SEC24A: variants seen among roughly 807,000 people sequenced by gnomAD.
SEC24A encodes protein transport protein Sec24A.
SEC24A carries 93 observed loss-of-function variants against 129.4 expected under a neutral mutation model. That is an observed-to-expected ratio of 0.72 (90% confidence interval 0.61 to 0.85). The LOEUF is 0.85. SEC24A is among the 40% of genes least tolerant of loss of function. The probability of loss-of-function intolerance (pLI) is 0.00; values close to 1 mark genes in which losing one functional copy is unlikely to be tolerated. For missense variants in SEC24A, 1,264 were observed against 1,307.4 expected, an observed-to-expected ratio of 0.97 and a Z score of 0.51; for synonymous variants, 460 against 467.3, an observed-to-expected ratio of 0.98 and a Z score of 0.20.
intron 2 of SEC24A, among the ~76,000 whole-genome samples, chr5:134,664,541 T>G (rs576061775): frequency 6.6e-6 from 1 of 152,172 alleles, no homozygotes; most frequent in South Asian, 2.1e-4. Flanking sequence ...AAGTTTACTT[T>G]TATTCGTTAA....
chr5:134,692,828 G>C, intron 12 of SEC24A, 171 bp downstream of exon 12: 1 of 703,216 alleles, frequency 1.4e-6, no homozygotes, highest in Non-Finnish European at 2.5e-6. Flanking sequence ...ACCTTGAGCT[G>C]ATCATTTTTA....
intron 20 of SEC24A, among the ~76,000 whole-genome samples, chr5:134,720,257 C>G (rs145748737): frequency 3.2e-4 from 48 of 152,280 alleles, no homozygotes; most frequent in African/African-American, 1.1e-3. Context: ...CTATACCTTT[C>G]CTATGTTTAG....
chr5:134,694,724 C>G (rs1751765474), intron 13 of SEC24A, among the ~76,000 whole-genome samples: 1 of 149,718 alleles, frequency 6.7e-6, no homozygotes. Context: ...GAGGCTGAGG[C>G]AGGAGAATTG....
rs764612238 is a variant in SEC24A at position 134,648,953 on chromosome 5, C to G, written c.-124C>G. 62 of 645,414 alleles carry G rather than the reference C, an allele frequency of 9.6e-5. No individual in the cohort carries two copies. The highest frequency in any genetic ancestry group is 1.4e-4 in the Non-Finnish European group (53 of 374,398). 40.0% of individuals were successfully genotyped at this position (645,414 alleles called of 1,614,324 possible). A position where few individuals can be genotyped will look rare whatever the true frequency, so the allele number is the denominator to read the frequency against. ...CATGCCTCGGGCTTAATGCGCCCCC[C>G]CCTCTTCTCCCAGTCTTCAGTCTTA... is the stretch of plus-strand genomic sequence containing the variant. On this transcript the variant is annotated 5_prime_UTR_variant, in exon 1 of 23. Coordinates refer to ENST00000398844, the MANE Select transcript of SEC24A (RefSeq NM_021982.3).
At chr5:134,721,802 G>A (rs992725486) in intron 21 of SEC24A, among the ~76,000 whole-genome samples, 1 of 152,120 alleles carries the variant, frequency 6.6e-6, no homozygotes, top group South Asian at 2.1e-4. Context: ...GACCTGGGAG[G>A]TTGAGGCTGA....
At chr5:134,720,529 C>T (rs1752600194) in intron 20 of SEC24A, among the ~76,000 whole-genome samples, 1 of 152,166 alleles carries the variant, frequency 6.6e-6, no homozygotes, top group South Asian at 2.1e-4. Context: ...TAAAATGTCT[C>T]ATCAGGTAAA....
chr5:134,660,747 G>A (rs1409494421), intron 1 of SEC24A, among the ~76,000 whole-genome samples: 1 of 151,844 alleles, frequency 6.6e-6, no homozygotes, highest in African/African-American at 2.4e-5. Flanking sequence ...TATAGGCATG[G>A]GGTTTCACCA....
chr5:134,649,536 G>C (rs1749978580), intron 1 of SEC24A, among the ~76,000 whole-genome samples: 1 of 152,086 alleles, frequency 6.6e-6, no homozygotes, highest in Non-Finnish European at 1.5e-5. Flanking sequence ...CAGGATGTGG[G>C]GTCTGATTCT....
chr5:134,667,447 G>A (rs933528229), intron 3 of SEC24A, among the ~76,000 whole-genome samples: 3 of 151,532 alleles, frequency 2.0e-5, no homozygotes, highest in Non-Finnish European at 4.4e-5. Context: ...TCAGGAGATC[G>A]AGACCATCCT....
At chr5:134,660,280 C>T (rs924468790) in intron 1 of SEC24A, among the ~76,000 whole-genome samples, 5 of 151,858 alleles carry the variant, frequency 3.3e-5, no homozygotes, top group East Asian at 1.9e-4. Context: ...ATGGGAGGAT[C>T]GCTTGAGCCC....
intron 19 of SEC24A, among the ~76,000 whole-genome samples, chr5:134,716,355 A>G (rs951856964): frequency 6.6e-6 from 1 of 151,842 alleles, no homozygotes; most frequent in Non-Finnish European, 1.5e-5. Context: ...CTGTAATCCC[A>G]GCTACTCGGG....
At chr5:134,672,782 C>G (rs1750912837) in intron 4 of SEC24A, among the ~76,000 whole-genome samples, 1 of 151,678 alleles carries the variant, frequency 6.6e-6, no homozygotes, top group African/African-American at 2.4e-5. Flanking sequence ...GTCACCCAGG[C>G]TCAAGTGCAG....
chr5:134,649,188 G>C lies in SEC24A; in HGVS notation c.97+15G>C, dbSNP rs142959485. ...CTACACCAACGGTGAGTGCTGTCCG[G>C]GGGGAGGGCGCAGCCTGGCCAGGGC... On this transcript the variant is annotated intron_variant, in intron 1 of 22. Coordinates refer to ENST00000398844, the MANE Select transcript of SEC24A (RefSeq NM_021982.3). 2.1e-5 allele frequency: 33 copies of C among 1,578,498 alleles called. No homozygotes were observed. The highest frequency in any genetic ancestry group is 8.2e-5 in the African/African-American group (6 of 73,428).
chr5:134,688,558 T>C (rs939950262), intron 11 of SEC24A, among the ~76,000 whole-genome samples: 4 of 152,084 alleles, frequency 2.6e-5, no homozygotes, highest in Admixed American at 1.3e-4. Flanking sequence ...AGGCTTTTTT[T>C]CCCCCTTCTT....
intron 20 of SEC24A, among the ~76,000 whole-genome samples, chr5:134,719,514 A>G (rs775066397): frequency 6.6e-6 from 1 of 152,120 alleles, no homozygotes; most frequent in Non-Finnish European, 1.5e-5. Context: ...CAATATAGCA[A>G]AACCCTGTCT....
At chr5:134,676,489 G>A (rs1751070004) in intron 7 of SEC24A, among the ~76,000 whole-genome samples, 1 of 148,256 alleles carries the variant, frequency 6.7e-6, no homozygotes, top group Non-Finnish European at 1.5e-5. Flanking sequence ...TGTCGCCCAG[G>A]CTGGAGTGTA....
At chr5:134,657,125 C>T (rs903775198) in intron 1 of SEC24A, among the ~76,000 whole-genome samples, 1 of 151,252 alleles carries the variant, frequency 6.6e-6, no homozygotes, top group African/African-American at 2.4e-5. Context: ...GTCGAGGCTG[C>T]GGTGAGCTGT....
chr5:134,653,319 G>A (rs1750128998), intron 1 of SEC24A, among the ~76,000 whole-genome samples: 1 of 152,066 alleles, frequency 6.6e-6, no homozygotes, highest in African/African-American at 2.4e-5. Context: ...ACTTGATCAT[G>A]GCTCACTGCA....
chr5:134,723,661 A>AT lies in SEC24A; in HGVS notation c.3159dup (p.Val1054CysfsTer5). ...CAGAGACCATTTTTCCCAATACTTT[A>AT]TGTAATAAGGTAAGTTGAATTTTCC... On this transcript the variant is annotated frameshift_variant, in exon 22 of 23. Coordinates refer to ENST00000398844, the MANE Select transcript of SEC24A (RefSeq NM_021982.3). LOFTEE classifies it high-confidence loss of function. 1 of 1,591,130 alleles carries AT rather than the reference A, an allele frequency of 6.3e-7. No individual in the cohort carries two copies. Among genetic ancestry groups the AT allele is most frequent in the Non-Finnish European group, 8.6e-7 (1 of 1,159,576 alleles).
Sources: gnomAD v4.1 joint callset for allele counts (sites outside exome capture counted in the v4.1 genomes callset) on GRCh38, gnomAD v4.1.1 for gene constraint, MANE v1.5 for transcripts, NCBI Gene and HGNC (gene_info 2026-07-23, HGNC 2026-07-21) for gene names.